The following MPP7 variants were observed in gnomAD, a reference collection of about 807,000 sequenced individuals.
MPP7 encodes the protein MAGUK p55 scaffold protein 7.
In MPP7, 60 loss-of-function variants were observed where a neutral mutation model predicts 76.5. The observed-to-expected ratio is 0.78, with a 90% CI of 0.64 to 0.97. MPP7 has a LOEUF of 0.97. MPP7 is among the 50% of genes least tolerant of loss of function. MPP7 has a pLI of 0.00. For synonymous variants in MPP7, 237 were observed against 244.5 expected (o/e 0.97, Z 0.29); for missense variants, 641 against 694.0 (o/e 0.92, Z 0.86).
intron 3 of MPP7, among the ~76,000 whole-genome samples, chr10:28,175,874 T>C (rs966273436): frequency 4.6e-5 from 7 of 152,288 alleles, no homozygotes; most frequent in Non-Finnish European, 8.8e-5. Context: ...GAAATGATAG[T>C]TACCATCAAT....
At chr10:28,329,626 G>A (rs575359087) in intron 2 of MPP7, among the ~76,000 whole-genome samples, 7 of 56,828 alleles carry the variant, frequency 1.2e-4, no homozygotes, top group East Asian at 1.1e-3. Flanking sequence ...GCGAGACTCC[G>A]TCTCAAAAAA....
At chr10:28,080,083 G>C in intron 12 of MPP7, among the ~76,000 whole-genome samples, 1 of 128,340 alleles carries the variant, frequency 7.8e-6, no homozygotes, top group South Asian at 3.1e-4. Flanking sequence ...GAGGGAGGGA[G>C]AGGGGAGGGG....
intron 12 of MPP7, among the ~76,000 whole-genome samples, chr10:28,077,193 C>T (rs1287638008): frequency 1.3e-5 from 2 of 151,626 alleles, no homozygotes; most frequent in African/African-American, 4.8e-5. Context: ...TGACTATATT[C>T]GATTTTGGGC....
chr10:28,113,152 C>T (rs912033757), intron 11 of MPP7, among the ~76,000 whole-genome samples: 11 of 152,134 alleles, frequency 7.2e-5, no homozygotes, highest in Admixed American at 2.6e-4. Context: ...CATAACTCCA[C>T]GGAACTCATG....
intron 11 of MPP7, among the ~76,000 whole-genome samples, chr10:28,095,986 T>A (rs945024289): frequency 3.3e-5 from 5 of 152,206 alleles, no homozygotes; most frequent in Non-Finnish European, 7.3e-5. Context: ...AGACTGCAGC[T>A]GCAGGTCAGT....
At chr10:28,080,034 G>A (rs967793711) in intron 12 of MPP7, among the ~76,000 whole-genome samples, 7 of 135,170 alleles carry the variant, frequency 5.2e-5, no homozygotes, top group African/African-American at 1.6e-4. Context: ...AACCCAGAAG[G>A]CAGAGGTTGC....
chr10:28,299,574 G>C (rs1285294741), intron 1 of MPP7, among the ~76,000 whole-genome samples: 4 of 152,074 alleles, frequency 2.6e-5, no homozygotes, highest in Non-Finnish European at 5.9e-5. Context: ...ATATGACAGA[G>C]ACACACAAAA....
At chr10:28,251,526 C>T (rs1352625090) in intron 1 of MPP7, among the ~76,000 whole-genome samples, 1 of 151,950 alleles carries the variant, frequency 6.6e-6, no homozygotes, top group African/African-American at 2.4e-5. Context: ...TCTGAACCAA[C>T]AATAGCTTGT....
intron 11 of MPP7, among the ~76,000 whole-genome samples, chr10:28,109,712 T>A (rs1047138542): frequency 4.6e-5 from 7 of 151,726 alleles, no homozygotes; most frequent in Admixed American, 2.6e-4. Flanking sequence ...GAGATCCTCC[T>A]CCGTGGCCAA....
chr10:28,194,758 A>G (rs1837525057), intron 3 of MPP7, among the ~76,000 whole-genome samples: 1 of 152,232 alleles, frequency 6.6e-6, no homozygotes, highest in Non-Finnish European at 1.5e-5. Context: ...TGGAAACGTA[A>G]AACTATTCTT....
At chr10:28,074,900 A>C (rs1197940309) in intron 12 of MPP7, among the ~76,000 whole-genome samples, 1 of 152,116 alleles carries the variant, frequency 6.6e-6, no homozygotes, top group Non-Finnish European at 1.5e-5. Flanking sequence ...ATCACACATT[A>C]GTCTGTTCTC....
At chr10:28,080,544 T>C (rs575499991) in intron 12 of MPP7, among the ~76,000 whole-genome samples, 1 of 152,206 alleles carries the variant, frequency 6.6e-6, no homozygotes, top group Non-Finnish European at 1.5e-5. Context: ...ATTATAAATA[T>C]GGTTTTGGTC....
intron 16 of MPP7, among the ~76,000 whole-genome samples, chr10:28,054,829 G>A (rs1851495509): frequency 6.6e-6 from 1 of 152,018 alleles, no homozygotes; most frequent in African/African-American, 2.4e-5. Flanking sequence ...GGAGCGTGCC[G>A]CCACACCTGG....
At chr10:28,166,163 A>G (rs1355246413) in intron 3 of MPP7, among the ~76,000 whole-genome samples, 6 of 152,088 alleles carry the variant, frequency 3.9e-5, no homozygotes, top group Non-Finnish European at 8.8e-5. Context: ...TAATCTAGTC[A>G]GAGCTTTTTT....
At chr10:28,119,435 T>C (rs1337243166) in intron 11 of MPP7, among the ~76,000 whole-genome samples, 1 of 152,154 alleles carries the variant, frequency 6.6e-6, no homozygotes, top group Non-Finnish European at 1.5e-5. Context: ...GAGTGAGTCA[T>C]GGATTTATTA....
intron 5 of MPP7, among the ~76,000 whole-genome samples, chr10:28,146,241 T>G (rs2133755257): frequency 6.6e-6 from 1 of 152,328 alleles, no homozygotes; most frequent in South Asian, 2.1e-4. Context: ...ATCCTTGTTC[T>G]TTCAGAACAA....
At chr10:28,306,096 C>A (rs1564769008), upstream of MPP7, 1 of 152,144 alleles carries the variant, frequency 6.6e-6, no homozygotes, top group Non-Finnish European at 1.5e-5. Flanking sequence ...ATCAGTTGAG[C>A]CTCCAGCATT....
chr10:28,146,122 A>C (rs1033167215), intron 5 of MPP7, among the ~76,000 whole-genome samples: 1 of 152,242 alleles, frequency 6.6e-6, no homozygotes, highest in African/African-American at 2.4e-5. Context: ...TCTCAGGTGC[A>C]GTCTAAGACC....
intron 2 of MPP7, among the ~76,000 whole-genome samples, chr10:28,314,727 A>C (rs1324155660): frequency 6.6e-6 from 1 of 152,220 alleles, no homozygotes; most frequent in Admixed American, 6.5e-5. Context: ...GCAGTGATTA[A>C]TCCACCCAAG....
Sources: gnomAD v4.1 joint callset for allele counts (sites outside exome capture counted in the v4.1 genomes callset) on GRCh38, gnomAD v4.1.1 for gene constraint, MANE v1.5 for transcripts, NCBI Gene and HGNC (gene_info 2026-07-23, HGNC 2026-07-21) for gene names.